GRIP1: variants seen among roughly 807,000 people sequenced by gnomAD.
GRIP1 encodes glutamate receptor-interacting protein 1.
Under a neutral mutation model 129.9 loss-of-function variants are expected in GRIP1, and 45 were observed. The ratio of observed to expected loss-of-function variants is 0.35; its 90% CI spans 0.27 to 0.44. GRIP1 has a LOEUF of 0.44. GRIP1 is among the 20% of genes least tolerant of loss of function. The pLI is 1.00. For synonymous variants in GRIP1, 530 were observed against 520.8 expected (o/e 1.02, Z -0.24); for missense variants, 1,196 against 1,396.8 (o/e 0.86, Z 2.29).
At chr12:66,889,835 C>G (rs994247373) in intron 1 of GRIP1, among the ~76,000 whole-genome samples, 4 of 152,104 alleles carry the variant, frequency 2.6e-5, no homozygotes, top group African/African-American at 4.8e-5. Flanking sequence ...GATCGAGTGC[C>G]TAATATATGC....
In GRIP1 at chr12:66,924,822, T is replaced by C. The variant is rs111588245; in HGVS notation, c.58+144228A>G. On this transcript the variant is annotated intron_variant, in intron 1 of 1. Coordinates refer to the GRIP1 transcript ENST00000643019. ...CTCTATTAAAAAAATACCAAAAAAT[T>C]AGCCGGGTGTGGTGGCGGGTGCCTG... 2.4e-3 allele frequency among the ~76,000 whole-genome samples: 361 copies of C among 151,902 alleles called. 1 individual carries two copies. The highest frequency in any genetic ancestry group is 8.0e-3 in the African/African-American group (333 of 41,424).
At chr12:66,525,978 T>C (rs919269395) in intron 5 of GRIP1, among the ~76,000 whole-genome samples, 41 of 152,250 alleles carry the variant, frequency 2.7e-4, no homozygotes, top group African/African-American at 9.9e-4. Context: ...TTACAAGGGT[T>C]GTGAAGGACC....
At chr12:66,956,682 T>A (rs1245516473) in intron 1 of GRIP1, among the ~76,000 whole-genome samples, 1 of 152,134 alleles carries the variant, frequency 6.6e-6, no homozygotes, top group Non-Finnish European at 1.5e-5. Flanking sequence ...CAGGATGATG[T>A]CCTATTTTCC....
rs117581260 is a variant in GRIP1 at position 66,766,952 on chromosome 12, C to T, written c.-420+37101G>A. On this transcript the variant is annotated intron_variant, in intron 1 of 4. Coordinates refer to the GRIP1 transcript ENST00000538373. ...CAAATGGATAAGGGATTCACTGCTA[C>T]TTCCCCTTTTCCACTGGAATTTTCT... Among the ~76,000 whole-genome samples, 1,215 of 152,286 alleles carry T rather than the reference C, an allele frequency of 8.0e-3. 6 individuals carry two copies. The highest frequency in any genetic ancestry group is 0.031 in the Middle Eastern group (9 of 294).
At chr12:66,875,570 C>A (rs575113918) in intron 1 of GRIP1, among the ~76,000 whole-genome samples, 259 of 152,126 alleles carry the variant, frequency 1.7e-3, no homozygotes, top group African/African-American at 6.0e-3. Flanking sequence ...AAATTCCATG[C>A]ACATCCAGAA....
chr12:66,439,304 C>T (rs373118684), intron 13 of GRIP1, among the ~76,000 whole-genome samples: 8 of 152,196 alleles, frequency 5.3e-5, no homozygotes, highest in African/African-American at 1.7e-4. Flanking sequence ...CAAATCACCA[C>T]CCTAAGTCTT....
chr12:66,952,337 A>C (rs989036156), intron 1 of GRIP1, among the ~76,000 whole-genome samples: 2 of 152,186 alleles, frequency 1.3e-5, no homozygotes, highest in African/African-American at 4.8e-5. Flanking sequence ...TATTCTTTGG[A>C]TCTTATATTT....
chr12:66,515,269 T>C (rs1353826555), intron 7 of GRIP1, among the ~76,000 whole-genome samples: 5 of 148,060 alleles, frequency 3.4e-5, no homozygotes, highest in African/African-American at 1.2e-4. Flanking sequence ...TATGTAATAA[T>C]AAAAAAAAAA....
At chr12:66,712,592 A>G (rs922066820) in intron 1 of GRIP1, among the ~76,000 whole-genome samples, 5 of 152,126 alleles carry the variant, frequency 3.3e-5, no homozygotes, top group Non-Finnish European at 7.4e-5. Flanking sequence ...ACATAAGCAA[A>G]CGGAGAATAT....
At chr12:66,359,005 C>A (rs561783177) in intron 23 of GRIP1, among the ~76,000 whole-genome samples, 1 of 152,148 alleles carries the variant, frequency 6.6e-6, no homozygotes, top group Non-Finnish European at 1.5e-5. Flanking sequence ...TTCTTAGCCA[C>A]GTTTTCTCCA....
chr12:66,794,256 G>C lies in GRIP1; in HGVS notation c.-420+9797C>G, dbSNP rs575338620. Among the ~76,000 whole-genome samples the C allele has an allele frequency of 3.4e-4, 52 of 152,282 alleles. No homozygotes were observed. The South Asian group carries it at 6.6e-3, about 19-fold the overall frequency. On this transcript the variant is annotated intron_variant, in intron 1 of 4. Transcript: ENST00000538373. Reference sequence around the variant, plus strand: ...CAAATACACGAATAGTGACTACAAAGTAATGAGATAGGTTTCTGTGGGTGG... The same window carrying C: ...CAAATACACGAATAGTGACTACAAACTAATGAGATAGGTTTCTGTGGGTGG...
At chr12:66,812,841 C>G (rs17780004) in intron 1 of GRIP1, among the ~76,000 whole-genome samples, 41,003 of 152,026 alleles carry the variant, frequency 0.27, 5,639 homozygotes, top group Admixed American at 0.31. Context: ...CATTAAAGGC[C>G]CTTGAATAAT....
rs138554991 is a variant in GRIP1 at position 66,358,105 on chromosome 12, G to A, written c.3013-4542C>T. On this transcript the variant is annotated intron_variant, in intron 23 of 24. Coordinates refer to ENST00000359742, the MANE Select transcript of GRIP1 (RefSeq NM_001366722.1). The stretch of plus-strand genomic sequence containing the variant: ...GATAGGGTTTTGCCACATTGGCCAG[G>A]CTGGTCTTGAACTCCTGATCTCAAG... Among the ~76,000 whole-genome samples the A allele has an allele frequency of 1.6e-3, 243 of 152,334 alleles. 2 individuals carry two copies. The highest frequency in any genetic ancestry group is 5.5e-3 in the African/African-American group (230 of 41,580).
chr12:66,704,287 T>C (rs1210366804), intron 1 of GRIP1, among the ~76,000 whole-genome samples: 5 of 151,834 alleles, frequency 3.3e-5, no homozygotes, highest in East Asian at 1.9e-4. Context: ...ATTAAAGCAA[T>C]AGAAGAAATT....
At chr12:66,724,331 T>C (rs760612727) in intron 1 of GRIP1, among the ~76,000 whole-genome samples, 3 of 152,162 alleles carry the variant, frequency 2.0e-5, no homozygotes, top group African/African-American at 2.4e-5. Flanking sequence ...AGACCACTAG[T>C]GTGACTTCTT....
intron 15 of GRIP1, among the ~76,000 whole-genome samples, chr12:66,418,926 C>G (rs1286685665): frequency 2.0e-5 from 3 of 152,168 alleles, no homozygotes; most frequent in African/African-American, 7.2e-5. Flanking sequence ...TATGATCCAG[C>G]AATCCCACTG....
chr12:67,031,707 T>C (rs1435073469), intron 1 of GRIP1, among the ~76,000 whole-genome samples: 10 of 152,208 alleles, frequency 6.6e-5, no homozygotes, highest in Non-Finnish European at 1.5e-4. Flanking sequence ...CTTTTATTCC[T>C]TCCTCTTTTT....
chr12:66,530,015 T>G, intron 4 of GRIP1, 101 bp from the exon 5 acceptor site: 3 of 785,036 alleles, frequency 3.8e-6, no homozygotes, highest in Non-Finnish European at 6.7e-6. Context: ...CTGTTGCAAA[T>G]AAGTTTTGAG....
chr12:67,023,454 T>C (rs1341128794), intron 1 of GRIP1, among the ~76,000 whole-genome samples: 1 of 152,244 alleles, frequency 6.6e-6, no homozygotes, highest in Non-Finnish European at 1.5e-5. Context: ...TGTGGGTTTA[T>C]TTCTGGATTC....
Sources: allele counts gnomAD v4.1 joint callset (sites outside exome capture counted in the v4.1 genomes callset), GRCh38; gene constraint gnomAD v4.1.1; transcripts MANE v1.5; gene names NCBI Gene and HGNC (gene_info 2026-07-23, HGNC 2026-07-21).